Variants in GPRC6A observed in about 807,000 individuals in gnomAD.
GPRC6A encodes G protein-coupled receptor class C group 6 member A, also known as G protein-coupled receptor family C group 6 member A.
In GPRC6A, 54 loss-of-function variants were observed where a neutral mutation model predicts 47.0. The ratio of observed to expected loss-of-function variants is 1.15; its 90% CI spans 0.92 to 1.44. GPRC6A has a LOEUF of 1.44. GPRC6A is among the 40% of genes most tolerant of loss of function. The pLI is 0.00. For synonymous variants in GPRC6A, 347 were observed against 377.1 expected, an observed-to-expected ratio of 0.92 and a Z score of 0.93; for missense variants, 1,112 against 1,105.5, an observed-to-expected ratio of 1.01 and a Z score of -0.08.
chr6:116,806,466 A>G lies in GPRC6A; in HGVS notation c.1239T>C (p.His413=), dbSNP rs147927713. ...GGGCAAACACTGCAAGCTGAATACT[A>G]TGAATGAGTCCTGGCTCAGCATAGT... is the stretch of plus-strand genomic sequence containing the variant. ...LWDYAEPGLI[H]SIQLAVFALG... is the part of the protein sequence containing the mutation. The change falls in exon 3 of 6, where the codon CAT becomes CAC. Residue 413 remains histidine (H), a synonymous_variant. Transcript: ENST00000310357. The G allele has an allele frequency of 3.1e-5, 50 of 1,613,476 alleles. No individual in the cohort carries two copies. Among genetic ancestry groups the G allele is most frequent in the East Asian group, 1.6e-4 (7 of 44,886 alleles).
intron 3 of GPRC6A, among the ~76,000 whole-genome samples, chr6:116,804,118 T>C (rs1772764556): frequency 6.6e-6 from 1 of 152,022 alleles, no homozygotes; most frequent in Non-Finnish European, 1.5e-5. Context: ...TACTACCTTA[T>C]ATATCATCAG....
chr6:116,814,759 A>G (rs1335258690), intron 1 of GPRC6A, among the ~76,000 whole-genome samples: 1 of 152,088 alleles, frequency 6.6e-6, no homozygotes, highest in Non-Finnish European at 1.5e-5. Flanking sequence ...TAATTTAAAA[A>G]AAGAAAAAAA....
At chr6:116,819,626 T>C (rs1422198779) in intron 1 of GPRC6A, among the ~76,000 whole-genome samples, 2 of 152,086 alleles carry the variant, frequency 1.3e-5, no homozygotes, top group Admixed American at 1.3e-4. Flanking sequence ...CATAATGAAA[T>C]GAAGGCAGAA....
chr6:116,808,908 C>A lies in GPRC6A; in HGVS notation c.498+406G>T, dbSNP rs570607086. ...CCAGGGAAATAAATAGTTCTACAGT[C>A]TTTGCTCAAAGCCTTCCCATCATAT... On this transcript the variant is annotated intron_variant, in intron 2 of 5. Transcript: ENST00000310357. Among the ~76,000 whole-genome samples the A allele has an allele frequency of 9.2e-5, 14 of 152,132 alleles. No individual in the cohort carries two copies. The South Asian group carries it at 2.9e-3, about 32-fold the overall frequency.
chr6:116,822,724 G>A (rs546376566), intron 1 of GPRC6A, among the ~76,000 whole-genome samples: 2 of 129,420 alleles, frequency 1.5e-5, no homozygotes, highest in East Asian at 5.4e-4. Context: ...GTTGGGGGAG[G>A]GGGGAGGGAT....
Position 116,800,809 on chromosome 6 carries a change from AAAAC to A in GPRC6A, c.1336-17_1336-14del. The stretch of plus-strand genomic sequence containing the variant: ...GCACACCAAGTAACTATAAAAAATA[AAAAC>A]AGAGATAAGCACTTAATATAAATGT... On this transcript the variant is annotated splice_polypyrimidine_tract_variant and intron_variant, in intron 3 of 5. Coordinates refer to ENST00000310357, the MANE Select transcript of GPRC6A (RefSeq NM_148963.4). The A allele has an allele frequency of 6.6e-7, 1 of 1,511,246 alleles. No homozygotes were observed. Among genetic ancestry groups the A allele is most frequent in the Non-Finnish European group, 9.2e-7 (1 of 1,091,394 alleles). The allele number at this position is 1,511,246 out of a possible 1,614,324, so 93.6% of individuals were successfully genotyped here. A position where few individuals can be genotyped will look rare whatever the true frequency, so the allele number is the denominator to read the frequency against.
chr6:116,825,349 C>T (rs112574480), intron 1 of GPRC6A, among the ~76,000 whole-genome samples: 3 of 151,984 alleles, frequency 2.0e-5, no homozygotes, highest in South Asian at 4.1e-4. Context: ...AAAGACTCCA[C>T]AAAAATCCTC....
chr6:116,808,105 G>A (rs895409384), intron 2 of GPRC6A, among the ~76,000 whole-genome samples: 19 of 151,888 alleles, frequency 1.3e-4, no homozygotes, highest in African/African-American at 4.3e-4. Context: ...ATTTGGGAAC[G>A]TTATTTAATG....
At chr6:116,824,522 C>G (rs1173807574) in intron 1 of GPRC6A, among the ~76,000 whole-genome samples, 2 of 151,912 alleles carry the variant, frequency 1.3e-5, no homozygotes, top group African/African-American at 4.8e-5. Context: ...TGGAAACATA[C>G]AGTCTACCAA....
At chr6:116,801,896 GA>G in intron 3 of GPRC6A, among the ~76,000 whole-genome samples, 1 of 151,776 alleles carries the variant, frequency 6.6e-6, no homozygotes, top group Admixed American at 6.6e-5. Context: ...CAATTGCCTG[GA>G]AGAAAAAAAA....
chr6:116,816,844 C>T (rs538387159), intron 1 of GPRC6A, among the ~76,000 whole-genome samples: 19 of 152,306 alleles, frequency 1.2e-4, no homozygotes, highest in African/African-American at 3.6e-4. Flanking sequence ...TAAAAAACGG[C>T]GCACTACGAG....
chr6:116,800,845 T>G, intron 3 of GPRC6A, 49 bp from the exon 4 acceptor site: 1 of 1,123,182 alleles, frequency 8.9e-7, no homozygotes, highest in Non-Finnish European at 1.3e-6. Flanking sequence ...ATGTTGCAAA[T>G]GTATCCATTA....
At chr6:116,795,884 T>A (rs759079758) in intron 4 of GPRC6A, 49 bp from the exon 5 acceptor site, 34 of 1,303,494 alleles carry the variant, frequency 2.6e-5, no homozygotes, top group Non-Finnish European at 3.3e-5. Context: ...GTAAAAAAAA[T>A]TATCCTAATC....
At chr6:116,808,770 A>C (rs17078390) in intron 2 of GPRC6A, among the ~76,000 whole-genome samples, 17,537 of 152,154 alleles carry the variant, frequency 0.12, 1,303 homozygotes, top group African/African-American at 0.21. Flanking sequence ...ATGAAAGCCA[A>C]AGAGACTTAA....
At chr6:116,808,776 C>A (rs2114598595) in intron 2 of GPRC6A, among the ~76,000 whole-genome samples, 1 of 152,136 alleles carries the variant, frequency 6.6e-6, no homozygotes, top group African/African-American at 2.4e-5. Context: ...GCCAAAGAGA[C>A]TTAATTGACT....
Position 116,809,397 on chromosome 6 carries a change from T to C in GPRC6A, c.415A>G (p.Arg139Gly). ...FKCDYSSYMPRVKAVIGSGYS... is the reference protein window; with the variant it reads ...FKCDYSSYMPGVKAVIGSGYS... ...CCAGAACCTATGACAGCCTTAACTCTTGGCATGTAGCTGGAATAGTCACAC... is the reference window on the plus strand; with the variant it reads ...CCAGAACCTATGACAGCCTTAACTCCTGGCATGTAGCTGGAATAGTCACAC... The change falls in exon 2 of 6, where the codon AGA (arginine) becomes GGA (glycine). Residue 139 changes from arginine (R) to glycine (G), a missense_variant. Arg to Gly is a moderately radical substitution (Grantham distance 125). Coordinates refer to ENST00000310357, the MANE Select transcript of GPRC6A (RefSeq NM_148963.4). 1 of 1,613,494 alleles carries C rather than the reference T, an allele frequency of 6.2e-7. No individual in the cohort carries two copies. Among genetic ancestry groups the C allele is most frequent in the Non-Finnish European group, 8.5e-7 (1 of 1,179,548 alleles).
At chr6:116,796,241 A>C (rs1772485402) in intron 4 of GPRC6A, among the ~76,000 whole-genome samples, 1 of 152,130 alleles carries the variant, frequency 6.6e-6, no homozygotes, top group South Asian at 2.1e-4. Context: ...GAAAGTTTTT[A>C]TCATGCTGTC....
intron 1 of GPRC6A, among the ~76,000 whole-genome samples, chr6:116,814,550 C>G (rs1773140380): frequency 6.6e-6 from 1 of 152,036 alleles, no homozygotes; most frequent in East Asian, 1.9e-4. Flanking sequence ...GGGAATTGAG[C>G]AATGAGATCA....
intron 5 of GPRC6A, among the ~76,000 whole-genome samples, chr6:116,794,390 T>C (rs1772411395): frequency 6.6e-6 from 1 of 152,170 alleles, no homozygotes; most frequent in South Asian, 2.1e-4. Context: ...TGGCCTCATC[T>C]AGGTATGGGA....
Sources: gnomAD v4.1 joint callset for allele counts (sites outside exome capture counted in the v4.1 genomes callset) on GRCh38, gnomAD v4.1.1 for gene constraint, MANE v1.5 for transcripts, NCBI Gene and HGNC (gene_info 2026-07-23, HGNC 2026-07-21) for gene names.